Variants in NCOR1 observed in about 807,000 individuals in gnomAD.
NCOR1 encodes the protein protein phosphatase 1, regulatory subunit 109.
In NCOR1, 63 loss-of-function variants were observed where a neutral mutation model predicts 288.1. The observed-to-expected ratio is 0.22, with a 90% CI of 0.18 to 0.27. NCOR1 has a LOEUF of 0.27. Among genes scored for constraint, NCOR1 ranks in the 10% least tolerant of loss-of-function variants. The pLI, the probability that NCOR1 is intolerant of heterozygous loss-of-function variation, is 1.00. For missense variants in NCOR1, 2,397 were observed against 3,019.2 expected (o/e 0.79, Z 4.83); for synonymous variants, 1,007 against 1,065.9 (o/e 0.94, Z 1.08).
intron 27 of NCOR1, 108 bp downstream of exon 27, chr17:16,075,426 T>C: frequency 8.1e-7 from 1 of 1,239,978 alleles, no homozygotes; most frequent in Non-Finnish European, 1.1e-6. Context: ...AAACATAGGC[T>C]CAGCAAAGAT....
intron 26 of NCOR1, 129 bp from the exon 27 acceptor site, chr17:16,075,831 A>C: frequency 1.1e-6 from 1 of 930,934 alleles, no homozygotes; most frequent in South Asian, 1.7e-5. Flanking sequence ...GCACACATAC[A>C]TGAAAGGAAA....
At position 16,048,972 on chromosome 17, in the gene NCOR1, G is replaced by A. The variant is rs960537942; in HGVS notation, c.6409C>T (p.Pro2137Ser). Residue 2137 changes from proline to serine, a missense_variant, in exon 41 of 46, where the codon CCA becomes TCA. Around this residue, in one of 11 missense-constraint regions of NCOR1, gnomAD observed 1,872 missense variants for 2,187.8 expected, o/e 0.86. Coordinates refer to ENST00000268712, the MANE Select transcript of NCOR1 (RefSeq NM_006311.4). ...TCCGAAGAGACGTGACTCCTCTCTGGGGATTTTCCAGGCCTACTATTGTAA... is the reference window on the plus strand; with the variant it reads ...TCCGAAGAGACGTGACTCCTCTCTGAGGATTTTCCAGGCCTACTATTGTAA... The part of the protein sequence containing the change: ...KSRGSRPGKS[P>S]ERSHVSSEPY... 1.9e-6 allele frequency: 3 copies of A among 1,609,560 alleles called. No homozygotes were observed. The highest frequency in any genetic ancestry group is 1.7e-5 in the Admixed American group (1 of 59,744).
chr17:16,090,530 T>C (rs2065007801), intron 22 of NCOR1, among the ~76,000 whole-genome samples: 1 of 152,180 alleles, frequency 6.6e-6, no homozygotes, highest in Admixed American at 6.5e-5. Context: ...AATTACTGAG[T>C]ACATGTTGTG....
At chr17:16,152,188 G>T (rs2078972261) in intron 7 of NCOR1, among the ~76,000 whole-genome samples, 190 bp from the exon 8 acceptor site, 1 of 152,038 alleles carries the variant, frequency 6.6e-6, no homozygotes, top group African/African-American at 2.4e-5. Context: ...AAGTTCTAGG[G>T]TACACGTGCA....
chr17:16,089,951 C>T (rs1293891503), intron 22 of NCOR1, among the ~76,000 whole-genome samples: 1 of 152,074 alleles, frequency 6.6e-6, no homozygotes, highest in Non-Finnish European at 1.5e-5. Context: ...TTCGACCAAA[C>T]TGTAAAATTC....
At chr17:16,092,852 C>T (rs1368564230) in intron 21 of NCOR1, among the ~76,000 whole-genome samples, 3 of 150,350 alleles carry the variant, frequency 2.0e-5, no homozygotes, top group Non-Finnish European at 4.4e-5. Context: ...GTGTGCACCA[C>T]CACACCCAAC....
chr17:16,198,180 AC>A (rs1401596730), intron 1 of NCOR1: 1 of 151,120 alleles, frequency 6.6e-6, no homozygotes. Flanking sequence ...ACACGGTGAA[AC>A]CCCATCTCTA....
intron 3 of NCOR1, among the ~76,000 whole-genome samples, chr17:16,180,530 C>T (rs941245292): frequency 1.6e-4 from 24 of 151,056 alleles, no homozygotes; most frequent in Admixed American, 3.3e-4. Flanking sequence ...GCAGAAGGAT[C>T]GCTTGAGGCC....
chr17:16,056,414 C>T (rs917459598), intron 40 of NCOR1, among the ~76,000 whole-genome samples: 18 of 146,106 alleles, frequency 1.2e-4, no homozygotes, highest in Admixed American at 1.2e-3. Flanking sequence ...CAGGTTCAAG[C>T]GATTCTTCTG....
intron 22 of NCOR1, among the ~76,000 whole-genome samples, chr17:16,089,994 ATTTGAT>A (rs1427284096): frequency 6.6e-6 from 1 of 152,256 alleles, no homozygotes; most frequent in East Asian, 1.9e-4. Flanking sequence ...TATAATTACA[ATTTGAT>A]TTTAAGATGA....
chr17:16,094,496 T>C (rs2065973707), intron 21 of NCOR1, among the ~76,000 whole-genome samples: 1 of 152,218 alleles, frequency 6.6e-6, no homozygotes, highest in South Asian at 2.1e-4. Flanking sequence ...GGTCATTTTC[T>C]GGTGCCTAAA....
At chr17:16,069,737 A>G (rs1343013438) in intron 31 of NCOR1, among the ~76,000 whole-genome samples, 2 of 152,234 alleles carry the variant, frequency 1.3e-5, no homozygotes, top group African/African-American at 4.8e-5. Flanking sequence ...AGATCAGGAA[A>G]CTAAGCTACA....
chr17:16,066,423 G>A (rs796793905), intron 32 of NCOR1, among the ~76,000 whole-genome samples: 13 of 152,064 alleles, frequency 8.5e-5, no homozygotes, highest in African/African-American at 2.7e-4. Flanking sequence ...AGGGGTAGGC[G>A]TGGTAAAAAG....
rs2062325437 is a variant in NCOR1 at position 16,075,453 on chromosome 17, A to G, written c.3670+81T>C. 4.8e-6 allele frequency: 7 copies of G among 1,462,080 alleles called. No homozygotes were observed. In the South Asian group the frequency reaches 7.7e-5, roughly 16 times the overall value. The allele number at this position is 1,462,080 out of a possible 1,614,324, so 90.6% of individuals were successfully genotyped here. A position where few individuals can be genotyped will look rare whatever the true frequency, so the allele number is the denominator to read the frequency against. On this transcript the variant is annotated intron_variant, in intron 27 of 45. Coordinates refer to ENST00000268712, the MANE Select transcript of NCOR1 (RefSeq NM_006311.4). The stretch of plus-strand genomic sequence containing the variant: ...AGCAAAGATAAACTGACTCCCAGAG[A>G]GCAGAAATGCGGGAAAACCCAAGCC...
At chr17:16,113,509 T>G (rs1342281470) in intron 18 of NCOR1, among the ~76,000 whole-genome samples, 1 of 152,234 alleles carries the variant, frequency 6.6e-6, no homozygotes, top group African/African-American at 2.4e-5. Flanking sequence ...TTTTTGATAC[T>G]GTACCAAAAC....
chr17:16,121,335 G>T, intron 15 of NCOR1, 66 bp from the exon 16 acceptor site: 2 of 1,288,812 alleles, frequency 1.6e-6, no homozygotes, highest in South Asian at 1.6e-5. Context: ...GAAGGTTTTA[G>T]TTTTGAATAT....
intron 20 of NCOR1, among the ~76,000 whole-genome samples, chr17:16,100,890 C>A (rs1158188442): frequency 2.0e-5 from 3 of 152,172 alleles, no homozygotes; most frequent in Non-Finnish European, 4.4e-5. Context: ...AGCGGGAGTG[C>A]CTCAATGCCT....
At chr17:16,151,695 T>C (rs1599497059) in intron 8 of NCOR1, 1 of 1,242,360 alleles carries the variant, frequency 8.0e-7, no homozygotes, top group East Asian at 3.1e-5. Flanking sequence ...CCACCTTTTT[T>C]ACTAGCAGAT....
In NCOR1 at chr17:16,127,146, T is replaced by C. The variant is rs113394588; in HGVS notation, c.1510-940A>G. ...ATCTGTATGTATATATACATGTATG[T>C]ATATATCTGTATGTATATATACATG... On this transcript the variant is annotated intron_variant, in intron 14 of 45. Coordinates refer to ENST00000268712, the MANE Select transcript of NCOR1 (RefSeq NM_006311.4). Among the ~76,000 whole-genome samples, 262 of 129,160 alleles carry C rather than the reference T, an allele frequency of 2.0e-3. 4 individuals carry two copies. Among genetic ancestry groups the C allele is most frequent in the Middle Eastern group, 8.2e-3 (2 of 244 alleles). The allele number at this position is 129,160 out of a possible 152,430, so 84.7% of individuals were successfully genotyped here. A position where few individuals can be genotyped will look rare whatever the true frequency, so the allele number is the denominator to read the frequency against.
Sources: gnomAD v4.1 joint callset for allele counts (sites outside exome capture counted in the v4.1 genomes callset) on GRCh38, gnomAD v4.1.1 for gene constraint, gnomAD v4.1.1 regional missense constraint, MANE v1.5 for transcripts, NCBI Gene and HGNC (gene_info 2026-07-23, HGNC 2026-07-21) for gene names.